Variants in FMO1 observed in about 807,000 individuals in gnomAD.
FMO1 encodes flavin-containing monooxygenase 1.
Under a neutral mutation model 45.4 loss-of-function variants are expected in FMO1, and 36 were observed. That is an observed-to-expected ratio of 0.79 (90% CI 0.61 to 1.05). The LOEUF is 1.05. Ranked by LOEUF, FMO1 falls within the 50% of genes least tolerant of loss-of-function variation. FMO1 has a pLI of 0.00. For missense variants in FMO1, 615 were observed against 640.3 expected (o/e 0.96, Z 0.43); for synonymous variants, 228 against 227.2 (o/e 1.00, Z -0.03).
chr1:171,262,675 C>A (rs898301663), intron 2 of FMO1, among the ~76,000 whole-genome samples: 2 of 152,304 alleles, frequency 1.3e-5, no homozygotes, highest in South Asian at 2.1e-4. Flanking sequence ...ATTCCTGTAA[C>A]CTTTCATTAA....
intron 1 of FMO1, among the ~76,000 whole-genome samples, chr1:171,252,215 G>A (rs866556622): frequency 2.0e-5 from 3 of 152,120 alleles, no homozygotes; most frequent in East Asian, 1.9e-4. Context: ...TACAGGATGC[G>A]ATGCCAGATC....
At chr1:171,281,126 C>T in intron 6 of FMO1, 141 bp downstream of exon 6, 1 of 656,384 alleles carries the variant, frequency 1.5e-6, no homozygotes, top group Non-Finnish European at 2.7e-6. Context: ...ATAATAACAG[C>T]TAACTGTTCT....
chr1:171,258,980 C>T (rs1660279231), intron 2 of FMO1, among the ~76,000 whole-genome samples: 1 of 152,172 alleles, frequency 6.6e-6, no homozygotes, highest in African/African-American at 2.4e-5. Flanking sequence ...CCCTGAACTC[C>T]ATGGCTTAGT....
chr1:171,284,982 G>C (rs1423192246), intron 8 of FMO1, among the ~76,000 whole-genome samples: 1 of 152,064 alleles, frequency 6.6e-6, no homozygotes, highest in African/African-American at 2.4e-5. Context: ...AGCACTCAGA[G>C]CACCCATTAA....
intron 1 of FMO1, among the ~76,000 whole-genome samples, chr1:171,250,247 T>A (rs188727635): frequency 1.3e-5 from 2 of 152,210 alleles, no homozygotes; most frequent in African/African-American, 4.8e-5. Context: ...TTCATTTCTA[T>A]TCTACCTCAG....
intron 2 of FMO1, among the ~76,000 whole-genome samples, chr1:171,263,732 C>T (rs1204738990): frequency 1.3e-5 from 2 of 152,162 alleles, no homozygotes; most frequent in African/African-American, 2.4e-5. Context: ...CTTCCACACT[C>T]GGAGTTCAAG....
At position 171,275,400 on chromosome 1, in the gene FMO1, G is replaced by A; in HGVS notation, c.376G>A (p.Glu126Lys). Residue 126 changes from glutamate (E) to lysine (K), a missense_variant, in exon 4 of 9, where the codon GAG becomes AAG. Coordinates refer to ENST00000617670, the MANE Select transcript of FMO1 (RefSeq NM_001282693.2). Reference sequence around the variant, plus strand: ...AGATTCTGCTGTCTCTGGCCAATGGGAGGTGGTCACTATGCATGAAGAGAA... The same window carrying A: ...AGATTCTGCTGTCTCTGGCCAATGGAAGGTGGTCACTATGCATGAAGAGAA... ...CSDSAVSGQW[E>K]VVTMHEEKQE... 6.2e-7 allele frequency: 1 copy of A among 1,613,928 alleles called. No individual in the cohort carries two copies. Among genetic ancestry groups the A allele is most frequent in the Non-Finnish European group, 8.5e-7 (1 of 1,179,834 alleles).
At chr1:171,283,554 T>C (rs1035835814) in intron 8 of FMO1, among the ~76,000 whole-genome samples, 25 of 152,140 alleles carry the variant, frequency 1.6e-4, no homozygotes, top group African/African-American at 5.6e-4. Flanking sequence ...TTCCATATCT[T>C]ATCCATAATC....
At chr1:171,279,179 T>G (rs1558016977) in intron 5 of FMO1, among the ~76,000 whole-genome samples, 1 of 151,928 alleles carries the variant, frequency 6.6e-6, no homozygotes, top group East Asian at 1.9e-4. Flanking sequence ...GTCAGAAAAT[T>G]CTACCAACTT....
At chr1:171,269,437 G>C (rs1444592323) in intron 3 of FMO1, among the ~76,000 whole-genome samples, 1 of 152,084 alleles carries the variant, frequency 6.6e-6, no homozygotes, top group African/African-American at 2.4e-5. Context: ...GGTGACTCTT[G>C]TTTGGTTTTT....
chr1:171,279,492 A>G lies in FMO1; in HGVS notation c.627+621A>G, dbSNP rs539603111. On this transcript the variant is annotated intron_variant, in intron 5 of 8. Coordinates refer to ENST00000617670, the MANE Select transcript of FMO1 (RefSeq NM_001282693.2). ...ACCTGCCTGAAATCTTACCACTAGC[A>G]TGTGGCAGAGCCAGTTCTCAAACCC... is the stretch of plus-strand genomic sequence containing the variant. Among the ~76,000 whole-genome samples the G allele has an allele frequency of 2.6e-4, 39 of 152,276 alleles. No homozygotes were observed. The South Asian group carries it at 3.9e-3, about 15-fold the overall frequency.
rs763316794 is a variant in FMO1, at chr1:171,258,203, G to A, written c.116G>A (p.Gly39Glu). 6.2e-7 allele frequency: 1 copy of A among 1,614,134 alleles called. No homozygotes were observed. Among genetic ancestry groups the A allele is most frequent in the Non-Finnish European group, 8.5e-7 (1 of 1,180,018 alleles). ...TTTGAGAGGAGCGATGACCTTGGGG[G>A]GCTGTGGAGATTCACCGTAAGTGGG... ...TCFERSDDLG[G>E]LWRFTEHVEE... Residue 39 changes from glycine to glutamate, a missense_variant, in exon 2 of 9, where the codon GGG (glycine) becomes GAG (glutamate). Transcript: ENST00000617670.
At chr1:171,249,580 C>T (rs28384816) in intron 1 of FMO1, among the ~76,000 whole-genome samples, 1,782 of 152,226 alleles carry the variant, frequency 0.012, 47 homozygotes, top group African/African-American at 0.041. Flanking sequence ...AGCTGAATCT[C>T]TCTCTGATTA....
chr1:171,277,647 CTG>C (rs1302691657), intron 4 of FMO1, among the ~76,000 whole-genome samples: 1 of 152,178 alleles, frequency 6.6e-6, no homozygotes, highest in East Asian at 1.9e-4. Flanking sequence ...CCAGAGATAA[CTG>C]TATTTTCTGC....
intron 1 of FMO1, among the ~76,000 whole-genome samples, chr1:171,249,727 CAGAG>C (rs1557999793): frequency 6.6e-6 from 1 of 151,456 alleles, no homozygotes; most frequent in East Asian, 1.9e-4. Flanking sequence ...GAGAGAGAGA[CAGAG>C]GGAGTAGGGA....
chr1:171,279,277 T>C (rs1407643430), intron 5 of FMO1, among the ~76,000 whole-genome samples: 1 of 152,154 alleles, frequency 6.6e-6, no homozygotes, highest in East Asian at 1.9e-4. Context: ...ACACTGAGGA[T>C]ATTGCATTGT....
At chr1:171,262,962 T>C (rs1472288240) in intron 2 of FMO1, among the ~76,000 whole-genome samples, 1 of 152,202 alleles carries the variant, frequency 6.6e-6, no homozygotes, top group African/African-American at 2.4e-5. Context: ...AGGAAGAAAT[T>C]AACATTCTTG....
chr1:171,264,412 T>A (rs193111802), intron 2 of FMO1, among the ~76,000 whole-genome samples: 2 of 150,814 alleles, frequency 1.3e-5, no homozygotes, highest in East Asian at 3.9e-4. Flanking sequence ...TTTGGGTATA[T>A]TGAGTTAAAT....
At chr1:171,250,668 C>A (rs1428276658) in intron 1 of FMO1, among the ~76,000 whole-genome samples, 1 of 152,128 alleles carries the variant, frequency 6.6e-6, no homozygotes, top group Non-Finnish European at 1.5e-5. Flanking sequence ...CAACCAATAG[C>A]GATTTCCCAA....
Sources: gnomAD v4.1 joint callset for allele counts (sites outside exome capture counted in the v4.1 genomes callset) on GRCh38, gnomAD v4.1.1 for gene constraint, MANE v1.5 for transcripts, NCBI Gene and HGNC (gene_info 2026-07-23, HGNC 2026-07-21) for gene names.